Variants in CYP2J2 observed in about 807,000 individuals in gnomAD.
CYP2J2 encodes cytochrome P450 2J2.
A neutral mutation model predicts 48.8 loss-of-function variants in CYP2J2; 41 were observed. That is an observed-to-expected ratio of 0.84 (90% CI 0.66 to 1.09). The LOEUF (loss-of-function observed/expected upper bound fraction) is 1.09, where lower values mean the gene tolerates loss of function less well. Among genes scored for constraint, CYP2J2 ranks in the 50% least tolerant of loss-of-function variants. The pLI is 0.00. For missense variants in CYP2J2, 644 were observed against 617.3 expected (o/e 1.04, Z -0.46); for synonymous variants, 221 against 227.1 (o/e 0.97, Z 0.24).
At chr1:59,928,008 TATG>T (rs1644583311), upstream of CYP2J2, among the ~76,000 whole-genome samples, 1 of 152,230 alleles carries the variant, frequency 6.6e-6, no homozygotes, top group African/African-American at 2.4e-5. Flanking sequence ...AATATTTATA[TATG>T]ATATTTTTAC....
chr1:59,929,206 G>T (rs1380717886), upstream of CYP2J2, among the ~76,000 whole-genome samples: 1 of 152,212 alleles, frequency 6.6e-6, no homozygotes. Flanking sequence ...GCTTTACACT[G>T]TGGGGAAAAT....
At chr1:59,934,489 A>T in the CYP2J2 span, among the ~76,000 whole-genome samples, 3 of 152,154 alleles carry the variant, frequency 2.0e-5, no homozygotes, top group Non-Finnish European at 2.9e-5. Flanking sequence ...TATGTAAGAA[A>T]TTCCTACAAA....
At position 59,912,268 on chromosome 1, in the gene CYP2J2, C is replaced by A; in HGVS notation, c.417G>T (p.Arg139Ser). 4 of 1,613,860 alleles carry A rather than the reference C, an allele frequency of 2.5e-6. No individual in the cohort carries two copies. The highest frequency in any genetic ancestry group is 2.5e-6 in the Non-Finnish European group (3 of 1,179,838). Residue 139 changes from arginine (R) to serine (S), a missense_variant, in exon 3 of 9, where the codon AGG becomes AGT. By Grantham distance (110) the Arg-to-Ser change is moderately radical. Transcript: ENST00000371204. The part of the protein sequence containing the change: ...SSGQAWKEQR[R>S]FTLTALRNFG... Reference sequence around the variant, plus strand: ...AGTTCCTTAGTGCTGTCAGAGTGAACCTTCTTTGCTCCTTCCATGCCTGGC... The same window carrying A: ...AGTTCCTTAGTGCTGTCAGAGTGAAACTTCTTTGCTCCTTCCATGCCTGGC...
At chr1:59,916,181 G>T in intron 1 of CYP2J2, 81 bp from the exon 2 acceptor site, 2 of 1,239,228 alleles carry the variant, frequency 1.6e-6, no homozygotes, top group South Asian at 1.4e-5. Context: ...AGCTGGAGGG[G>T]ATCATATTGA....
the CYP2J2 span, among the ~76,000 whole-genome samples, chr1:59,969,089 C>T: frequency 6.6e-6 from 1 of 152,142 alleles, no homozygotes; most frequent in Admixed American, 6.6e-5. Context: ...AGTGAAGCTG[C>T]AGACCTTCGC....
At chr1:59,895,773 T>G (rs1277021754) in intron 8 of CYP2J2, among the ~76,000 whole-genome samples, 2 of 152,212 alleles carry the variant, frequency 1.3e-5, no homozygotes, top group Non-Finnish European at 2.9e-5. Flanking sequence ...TAGCATTAGG[T>G]ATATCTCTTG....
intron 7 of CYP2J2, among the ~76,000 whole-genome samples, chr1:59,902,065 C>T (rs538057543): frequency 4.5e-4 from 68 of 152,300 alleles, no homozygotes; most frequent in African/African-American, 1.5e-3. Flanking sequence ...CTCAAACATG[C>T]CATTTTCCTA....
intron 6 of CYP2J2, among the ~76,000 whole-genome samples, chr1:59,907,324 C>T (rs920451640): frequency 6.6e-6 from 1 of 152,104 alleles, no homozygotes; most frequent in Non-Finnish European, 1.5e-5. Context: ...AAGAAAGTGA[C>T]GTGTCACTTA....
In CYP2J2 at chr1:59,893,684, G is replaced by C. The variant is rs1464324750; in HGVS notation, c.1476C>G (p.Val492=). 1 of 1,612,692 alleles carries C rather than the reference G, an allele frequency of 6.2e-7. No homozygotes were observed. ...KFRMGITISP[V]SHRLCAVPQV is the part of the protein sequence containing the mutation. ...GAGGAACAGCGCAGAGGCGGTGACTGACTGGGGAAATGGTGATACCCATTC... is the reference window on the plus strand; with the variant it reads ...GAGGAACAGCGCAGAGGCGGTGACTCACTGGGGAAATGGTGATACCCATTC... Residue 492 remains valine, a synonymous_variant, in exon 9 of 9, where the codon GTC becomes GTG. Coordinates refer to ENST00000371204, the MANE Select transcript of CYP2J2 (RefSeq NM_000775.4).
chr1:59,899,571 T>A (rs1644299432), intron 8 of CYP2J2, among the ~76,000 whole-genome samples: 1 of 152,232 alleles, frequency 6.6e-6, no homozygotes, highest in South Asian at 2.1e-4. Context: ...TATCGTGCAT[T>A]CCACAGTGTG....
At chr1:59,962,114 G>T in the CYP2J2 span, among the ~76,000 whole-genome samples, 2 of 152,042 alleles carry the variant, frequency 1.3e-5, no homozygotes, top group South Asian at 2.1e-4. Context: ...TAAATTTTAT[G>T]GTATGTAGAT....
At chr1:59,938,606 CA>C in the CYP2J2 span, among the ~76,000 whole-genome samples, 1 of 152,216 alleles carries the variant, frequency 6.6e-6, no homozygotes, top group Admixed American at 6.5e-5. Context: ...CAGAATTGAA[CA>C]AATGTACAAT....
At chr1:59,942,793 G>A in the CYP2J2 span, among the ~76,000 whole-genome samples, 3 of 152,122 alleles carry the variant, frequency 2.0e-5, no homozygotes, top group Non-Finnish European at 4.4e-5. Context: ...AAACGAGCTT[G>A]TTGATGAGAA....
intron 4 of CYP2J2, among the ~76,000 whole-genome samples, chr1:59,910,766 C>A (rs537070225): frequency 6.6e-6 from 1 of 152,216 alleles, no homozygotes; most frequent in South Asian, 2.1e-4. Context: ...CCCCCCTCCC[C>A]CCAGCTCCCA....
chr1:59,966,077 T>C, the CYP2J2 span, among the ~76,000 whole-genome samples: 4 of 152,184 alleles, frequency 2.6e-5, no homozygotes, highest in African/African-American at 9.7e-5. Flanking sequence ...TTGGAAGGCT[T>C]GTAATGTTTA....
At chr1:59,937,907 T>A in the CYP2J2 span, among the ~76,000 whole-genome samples, 1 of 152,146 alleles carries the variant, frequency 6.6e-6, no homozygotes, top group Non-Finnish European at 1.5e-5. Flanking sequence ...CCAGAATTTC[T>A]GCTTGATTCT....
the CYP2J2 span, among the ~76,000 whole-genome samples, chr1:59,947,807 C>T: frequency 6.6e-6 from 1 of 151,908 alleles, no homozygotes; most frequent in South Asian, 2.1e-4. Context: ...GAGGGAGGCA[C>T]ACTCATTGCT....
intron 1 of CYP2J2, among the ~76,000 whole-genome samples, chr1:59,920,106 A>C (rs1208868537): frequency 2.6e-5 from 4 of 152,018 alleles, no homozygotes; most frequent in Admixed American, 6.6e-5. Context: ...AGATATAAGA[A>C]AAATATCTTT....
At chr1:59,967,534 C>T in the CYP2J2 span, among the ~76,000 whole-genome samples, 1 of 152,194 alleles carries the variant, frequency 6.6e-6, no homozygotes, top group Non-Finnish European at 1.5e-5. Flanking sequence ...CTTGCCTGCA[C>T]CTGCCTTGTT....
Sources: gnomAD v4.1 joint callset for allele counts (sites outside exome capture counted in the v4.1 genomes callset) on GRCh38, gnomAD v4.1.1 for gene constraint, MANE v1.5 for transcripts, NCBI Gene and HGNC (gene_info 2026-07-23, HGNC 2026-07-21) for gene names.